The following CDKL4 variants were observed in gnomAD, a reference collection of about 807,000 sequenced individuals.
CDKL4 encodes the protein cyclin-dependent kinase-like 4.
A neutral mutation model predicts 42.0 loss-of-function variants in CDKL4; 44 were observed. The observed-to-expected ratio is 1.05, with a 90% confidence interval of 0.82 to 1.35. CDKL4 has a LOEUF of 1.35. CDKL4 is among the 40% of genes most tolerant of loss of function. CDKL4 has a pLI of 0.00. For synonymous variants in CDKL4, 120 were observed against 121.6 expected, an observed-to-expected ratio of 0.99 and a Z score of 0.09; for missense variants, 393 against 369.9, an observed-to-expected ratio of 1.06 and a Z score of -0.51.
chr2:39,180,190 G>A (rs73930526), intron 8 of CDKL4, among the ~76,000 whole-genome samples: 6,237 of 152,286 alleles, frequency 0.041, 204 homozygotes, highest in African/African-American at 0.085. Context: ...ACCAGCCTGG[G>A]TAACATAGTG....
At chr2:39,246,075 G>A (rs537419901), upstream of CDKL4, among the ~76,000 whole-genome samples, 85 of 152,270 alleles carry the variant, frequency 5.6e-4, 1 homozygote, top group South Asian at 0.017. Context: ...AAGCACACAC[G>A]TACTTTGTTT....
intron 1 of CDKL4, among the ~76,000 whole-genome samples, chr2:39,234,042 T>C (rs1057241172): frequency 6.4e-4 from 97 of 151,442 alleles, no homozygotes; most frequent in African/African-American, 2.2e-3. Flanking sequence ...GCCTCCTGAA[T>C]AGCTGGGACT....
At chr2:39,190,527 GT>G (rs751153607) in intron 5 of CDKL4, 25 bp from the exon 6 acceptor site, 1 of 1,607,644 alleles carries the variant, frequency 6.2e-7, no homozygotes, top group Admixed American at 1.7e-5. Flanking sequence ...ATCAGATCAG[GT>G]AAGTCAATTC....
chr2:39,175,056 G>A (rs1353637396), downstream of CDKL4, among the ~76,000 whole-genome samples: 1 of 151,982 alleles, frequency 6.6e-6, no homozygotes, highest in Non-Finnish European at 1.5e-5. Context: ...TGTTTTGTAA[G>A]AGATATGAAA....
downstream of CDKL4, among the ~76,000 whole-genome samples, chr2:39,170,977 C>T (rs1382979680): frequency 6.6e-6 from 1 of 152,006 alleles, no homozygotes; most frequent in Non-Finnish European, 1.5e-5. Context: ...CAGGCTCATT[C>T]CTGTAATCTC....
At chr2:39,173,575 C>T (rs1040943658), downstream of CDKL4, among the ~76,000 whole-genome samples, 13 of 151,964 alleles carry the variant, frequency 8.6e-5, no homozygotes, top group African/African-American at 2.9e-4. Flanking sequence ...TTTGGGAGGC[C>T]GAGATGGGCG....
intron 5 of CDKL4, 52 bp downstream of exon 5, chr2:39,204,475 G>A (rs902720822): frequency 1.2e-5 from 12 of 1,001,394 alleles, no homozygotes; most frequent in Non-Finnish European, 1.7e-5. Context: ...TTTAAACTAT[G>A]TCATTTTATC....
intron 3 of CDKL4, among the ~76,000 whole-genome samples, chr2:39,223,038 A>G (rs1329262735): frequency 6.6e-6 from 1 of 152,190 alleles, no homozygotes; most frequent in Non-Finnish European, 1.5e-5. Context: ...CAAATTTTCA[A>G]TTATACTTAA....
chr2:39,228,015 G>A (rs1268321077), intron 2 of CDKL4, among the ~76,000 whole-genome samples: 1 of 152,156 alleles, frequency 6.6e-6, no homozygotes, highest in African/African-American at 2.4e-5. Flanking sequence ...GCAGAAAGAT[G>A]GACGTTCTGA....
chr2:39,213,074 A>C (rs1483142808), intron 4 of CDKL4, among the ~76,000 whole-genome samples: 1 of 152,250 alleles, frequency 6.6e-6, no homozygotes, highest in African/African-American at 2.4e-5. Flanking sequence ...TAGCAATTTG[A>C]TTCTTACAGA....
intron 4 of CDKL4, among the ~76,000 whole-genome samples, chr2:39,210,234 GC>G (rs1247679413): frequency 6.6e-6 from 1 of 152,044 alleles, no homozygotes; most frequent in Non-Finnish European, 1.5e-5. Context: ...CAGGCAATCT[GC>G]CCACCTCAAC....
intron 9 of CDKL4, among the ~76,000 whole-genome samples, chr2:39,178,261 G>A (rs564084650): frequency 6.6e-6 from 1 of 152,276 alleles, no homozygotes; most frequent in Admixed American, 6.5e-5. Context: ...ACTATTAAAA[G>A]GTTGGGAAAA....
At chr2:39,170,853 T>G (rs573195303), downstream of CDKL4, among the ~76,000 whole-genome samples, 2 of 152,332 alleles carry the variant, frequency 1.3e-5, no homozygotes, top group South Asian at 4.1e-4. Context: ...TTGAGAATTC[T>G]GTGACCAGGA....
intron 8 of CDKL4, among the ~76,000 whole-genome samples, chr2:39,182,357 T>A (rs1420489985): frequency 6.6e-6 from 1 of 152,198 alleles, no homozygotes; most frequent in Non-Finnish European, 1.5e-5. Context: ...TACCTATGAA[T>A]TTTCATTTTA....
Position 39,178,811 on chromosome 2 carries a change from G to T in CDKL4, c.927+376C>A, listed in dbSNP as rs1237539069. 8 of 1,546,538 alleles carry T rather than the reference G, an allele frequency of 5.2e-6. No individual in the cohort carries two copies. The African/African-American group carries it at 1.1e-4, about 21-fold the overall frequency. Reference sequence around the variant, plus strand: ...AGTTACCGTTATTGCACATCTGGAGGCTACAGAAAGGCACTTGGATTCCTT... The same window carrying T: ...AGTTACCGTTATTGCACATCTGGAGTCTACAGAAAGGCACTTGGATTCCTT... On this transcript the variant is annotated intron_variant, in intron 9 of 9. Transcript: ENST00000451199.
chr2:39,213,399 C>T lies in CDKL4; in HGVS notation c.363+1G>A, dbSNP rs755693283. 3.0e-5 allele frequency: 46 copies of T among 1,551,430 alleles called. No homozygotes were observed. Among genetic ancestry groups the T allele is most frequent in the African/African-American group, 4.1e-5 (3 of 73,664 alleles). ...TAAATACATTAGAAAATGTTACTTA[C>T]GTTATGTATATGACAGAAATTAAGA... On this transcript the variant is annotated splice_donor_variant, in intron 4 of 9. Transcript: ENST00000451199. LOFTEE classifies it high-confidence loss of function.
intron 1 of CDKL4, among the ~76,000 whole-genome samples, chr2:39,235,947 T>A (rs1679347044): frequency 1.3e-5 from 2 of 150,336 alleles, no homozygotes; most frequent in African/African-American, 2.4e-5. Context: ...TCAGAAAAAA[T>A]AAAGTCAATA....
At chr2:39,220,989 T>TG (rs1558575846) in intron 3 of CDKL4, among the ~76,000 whole-genome samples, 3 of 43,796 alleles carry the variant, frequency 6.8e-5, no homozygotes, top group Admixed American at 4.4e-4. Context: ...TTTTTTTTTT[T>TG]TTTTTTTTTT....
At chr2:39,176,941 C>T (rs1675191197) in intron 9 of CDKL4, among the ~76,000 whole-genome samples, 1 of 152,166 alleles carries the variant, frequency 6.6e-6, no homozygotes, top group Non-Finnish European at 1.5e-5. Flanking sequence ...CCCTGTCTTT[C>T]TCTTGGCCTG....
Sources: allele counts gnomAD v4.1 joint callset (sites outside exome capture counted in the v4.1 genomes callset), GRCh38; gene constraint gnomAD v4.1.1; transcripts MANE v1.5; gene names NCBI Gene and HGNC (gene_info 2026-07-23, HGNC 2026-07-21).